The following ZSCAN1 variants were observed in gnomAD, a reference collection of about 807,000 sequenced individuals.
ZSCAN1 encodes the protein zinc finger and SCAN domain containing 1.
ZSCAN1 carries 23 observed loss-of-function variants against 23.8 expected under a neutral mutation model. That is an observed-to-expected ratio of 0.97 (90% CI 0.70 to 1.37). ZSCAN1 has a LOEUF of 1.37. Among genes scored for constraint, ZSCAN1 ranks in the 40% most tolerant of loss-of-function variants. The pLI is 0.00. For missense variants in ZSCAN1, 575 were observed against 554.0 expected, an observed-to-expected ratio of 1.04 and a Z score of -0.38; for synonymous variants, 236 against 232.3, an observed-to-expected ratio of 1.02 and a Z score of -0.15.
In ZSCAN1 at chr19:58,038,044, G is replaced by A; in HGVS notation, c.208G>A (p.Glu70Lys). ...WTLCRQWLRPEARSKEQMLEL... is the reference protein window; with the variant it reads ...WTLCRQWLRPKARSKEQMLEL... ...GCTGTGCCGCCAGTGGCTGAGGCCC[G>A]AGGCGCGCTCCAAGGAGCAGATGCT... is the stretch of plus-strand genomic sequence containing the variant. The change falls in exon 3 of 6, where the codon GAG becomes AAG. Residue 70 changes from glutamate to lysine, a missense_variant. Coordinates refer to ENST00000282326, the MANE Select transcript of ZSCAN1 (RefSeq NM_182572.4). 6.2e-6 allele frequency: 10 copies of A among 1,611,826 alleles called. No homozygotes were observed. Among genetic ancestry groups the A allele is most frequent in the South Asian group, 1.1e-5 (1 of 91,030 alleles).
rs1599906671 is a variant in ZSCAN1 at position 58,047,855 on chromosome 19, C to A, written c.466-4635C>A. Among the ~76,000 whole-genome samples the A allele has an allele frequency of 6.6e-6, 1 of 152,316 alleles. No homozygotes were observed. The highest frequency in any genetic ancestry group is 1.9e-4 in the East Asian group (1 of 5,178). On this transcript the variant is annotated intron_variant, in intron 4 of 5. Transcript: ENST00000282326. The surrounding 1 kb of genome is among the most constrained non-coding windows in gnomAD (Gnocchi z 4.9). ...CTGTGCCCTCTGGGTGGGGTGGCCT[C>A]CCTGCACTCGGCAGCATGGTCGGGC...
intron 2 of ZSCAN1, among the ~76,000 whole-genome samples, chr19:58,036,366 G>C (rs915661810): frequency 6.6e-6 from 1 of 152,100 alleles, no homozygotes; most frequent in African/African-American, 2.4e-5. Flanking sequence ...TCTCACCAGC[G>C]GATCAGTCCA....
chr19:58,035,719 G>A (rs10406206), intron 1 of ZSCAN1, among the ~76,000 whole-genome samples: 117 of 152,340 alleles, frequency 7.7e-4, no homozygotes, highest in African/African-American at 2.5e-3. Context: ...GGCCGGGTAC[G>A]CTGACTCGAA....
At position 58,053,891 on chromosome 19, in the gene ZSCAN1, G is replaced by A. The variant is rs768164739; in HGVS notation, c.1067G>A (p.Gly356Asp). The change falls in exon 6 of 6, where the codon GGC becomes GAC. Residue 356 changes from glycine to aspartate, a missense_variant. Physicochemically the swap from Gly to Asp is moderately conservative, Grantham distance 94. Transcript: ENST00000282326. The surrounding 1 kb of genome is among the most constrained non-coding windows in gnomAD (Gnocchi z 5.8). Reference protein sequence around the residue: ...PPRKKAPRSKGPRESVPPRDG... With the variant: ...PPRKKAPRSKDPRESVPPRDG... ...AGGAAGAAAGCCCCCCGGAGCAAGG[G>A]CCCCCGGGAGTCCGTCCCACCCAGG... 21 of 1,613,274 alleles carry A rather than the reference G, an allele frequency of 1.3e-5. No homozygotes were observed. The highest frequency in any genetic ancestry group is 1.7e-5 in the Non-Finnish European group (20 of 1,179,392).
Position 58,045,317 on chromosome 19 carries a change from C to T in ZSCAN1, c.465+4773C>T. 1.3e-6 allele frequency: 1 copy of T among 793,420 alleles called. No individual in the cohort carries two copies. The highest frequency in any genetic ancestry group is 2.3e-6 in the Non-Finnish European group (1 of 430,316). The allele number at this position is 793,420 out of a possible 1,614,324, so 49.1% of individuals were successfully genotyped here. Reference sequence around the variant, plus strand: ...TGCCATCCACATCCGAGACTCAGTCCATCAAGGAGAAGAGGCTGAAGGAGC... The same window carrying T: ...TGCCATCCACATCCGAGACTCAGTCTATCAAGGAGAAGAGGCTGAAGGAGC... On this transcript the variant is annotated intron_variant, in intron 4 of 5. Coordinates refer to ENST00000282326, the MANE Select transcript of ZSCAN1 (RefSeq NM_182572.4). This position sits in a 1 kb window ranked among gnomAD's most constrained non-coding sequence, Gnocchi z 4.3.
In ZSCAN1 at chr19:58,053,315, G is replaced by A. The variant is rs1478240990; in HGVS notation, c.605-114G>A. The A allele has an allele frequency of 4.4e-6, 6 of 1,364,784 alleles. No individual in the cohort carries two copies. The highest frequency in any genetic ancestry group is 2.2e-5 in the Admixed American group (1 of 45,826). The allele number at this position is 1,364,784 out of a possible 1,614,324, so 84.5% of individuals were successfully genotyped here. A position where few individuals can be genotyped will look rare whatever the true frequency, so the allele number is the denominator to read the frequency against. On this transcript the variant is annotated intron_variant, in intron 5 of 5. Transcript: ENST00000282326. The surrounding 1 kb of genome is among the most constrained non-coding windows in gnomAD (Gnocchi z 5.8). ...GGACACAGGGGCCGTATTGAGCAGA[G>A]GAAGGGCCTGGACTTGGCTCAGTCA...
At chr19:58,036,341 C>T (rs1250018368) in intron 2 of ZSCAN1, among the ~76,000 whole-genome samples, 2 of 152,104 alleles carry the variant, frequency 1.3e-5, no homozygotes, top group Admixed American at 1.3e-4. Context: ...CCAGAAAGGT[C>T]GTGCCAATTT....
chr19:58,052,726 G>A (rs116027994), intron 5 of ZSCAN1, 98 bp downstream of exon 5: 62 of 1,467,264 alleles, frequency 4.2e-5, no homozygotes, highest in Middle Eastern at 3.7e-4. Flanking sequence ...TGGGTGCTTC[G>A]GTGGTGAACT....
At chr19:58,044,555 CAGG>C in intron 4 of ZSCAN1, 1 of 586,552 alleles carries the variant, frequency 1.7e-6, no homozygotes, top group Non-Finnish European at 2.9e-6. Context: ...GGAGCCAGCG[CAGG>C]AGGCCCGAGC....
intron 4 of ZSCAN1, among the ~76,000 whole-genome samples, chr19:58,043,596 G>A (rs558207926): frequency 2.6e-5 from 4 of 152,118 alleles, no homozygotes; most frequent in Admixed American, 1.3e-4. Flanking sequence ...TACTAAATTG[G>A]CAACTATATT....
chr19:58,034,560 A>T lies in ZSCAN1; in HGVS notation c.-152+399A>T, dbSNP rs2123413511. Among the ~76,000 whole-genome samples the T allele has an allele frequency of 2.0e-5, 3 of 151,402 alleles. 1 individual carries two copies. The Middle Eastern group carries it at 0.01, about 519-fold the overall frequency. ...GTTCTCCCTTCCACACCTGATCAGC[A>T]TCCCGGGACCTATCTCCCTCCTGAA... On this transcript the variant is annotated intron_variant, in intron 1 of 5. Transcript: ENST00000282326.
rs113590476 is a variant in ZSCAN1, at chr19:58,053,148, G to A, written c.605-281G>A. Among the ~76,000 whole-genome samples the A allele has an allele frequency of 5.0e-3, 760 of 152,122 alleles. 9 individuals are homozygous for A. Among genetic ancestry groups the A allele is most frequent in the African/African-American group, 0.016 (679 of 41,496 alleles). On this transcript the variant is annotated intron_variant, in intron 5 of 5. Transcript: ENST00000282326. The surrounding 1 kb of genome is among the most constrained non-coding windows in gnomAD (Gnocchi z 5.8). The stretch of plus-strand genomic sequence containing the variant: ...CTAATTTTTGTATTTTAGTAGAGAC[G>A]GGGTTTCACCATGTTGGTCAGGCTG...
chr19:58,042,862 C>G (rs1036041065), intron 4 of ZSCAN1, among the ~76,000 whole-genome samples: 20 of 152,234 alleles, frequency 1.3e-4, no homozygotes, highest in African/African-American at 4.8e-4. Flanking sequence ...CCACCAGGGC[C>G]GCTGTGGCTG....
intron 4 of ZSCAN1, chr19:58,046,488 C>T (rs2073827025): frequency 1.1e-6 from 1 of 875,250 alleles, no homozygotes; most frequent in African/African-American, 1.6e-5. Context: ...AGGGCGTGCC[C>T]ATGGGGGAGA....
chr19:58,054,212 T>G lies in ZSCAN1; in HGVS notation c.*161T>G, dbSNP rs1248109905. 2 of 1,004,716 alleles carry G rather than the reference T, an allele frequency of 2.0e-6. No homozygotes were observed. The highest frequency in any genetic ancestry group is 1.4e-6 in the Non-Finnish European group (1 of 721,628). The allele number at this position is 1,004,716 out of a possible 1,614,324, so 62.2% of individuals were successfully genotyped here. ...TTCTCGGAAGACCCTGGACACCTGC[T>G]CCGAAGCCAAGCACGGGATGGGGCT... On this transcript the variant is annotated 3_prime_UTR_variant, in exon 6 of 6. Transcript: ENST00000282326. This position sits in a 1 kb window ranked among gnomAD's most constrained non-coding sequence, Gnocchi z 4.2.
intron 3 of ZSCAN1, among the ~76,000 whole-genome samples, chr19:58,039,397 G>A (rs950914314): frequency 2.6e-5 from 4 of 152,130 alleles, no homozygotes; most frequent in Non-Finnish European, 4.4e-5. Flanking sequence ...CTTCCATAGC[G>A]GTGGTCTGCT....
chr19:58,036,314 A>C (rs959475937), intron 2 of ZSCAN1, among the ~76,000 whole-genome samples: 1 of 152,086 alleles, frequency 6.6e-6, no homozygotes, highest in African/African-American at 2.4e-5. Flanking sequence ...TTGATATATA[A>C]ATGGCCACAG....
chr19:58,050,351 G>A lies in ZSCAN1; in HGVS notation c.466-2139G>A, dbSNP rs538669007. 9.9e-5 allele frequency among the ~76,000 whole-genome samples: 15 copies of A among 151,770 alleles called. No homozygotes were observed. In the South Asian group the frequency reaches 1.9e-3, roughly 19 times the overall value. ...CTCGGGAGGCTGAGGCATAAGAATC[G>A]CTTGAACCCAGCGGGTGGAGGTTGC... On this transcript the variant is annotated intron_variant, in intron 4 of 5. Transcript: ENST00000282326.
Position 58,054,128 on chromosome 19 carries a change from T to TCCCCCAGC in ZSCAN1, c.*81_*88dup. The stretch of plus-strand genomic sequence containing the variant: ...GATGGGCCCCAGAAGATGGGGGACA[T>TCCCCCAGC]CCCCCAGCCCCACCAACCCCTGGCC... On this transcript the variant is annotated 3_prime_UTR_variant, in exon 6 of 6. Coordinates refer to ENST00000282326, the MANE Select transcript of ZSCAN1 (RefSeq NM_182572.4). This position sits in a 1 kb window ranked among gnomAD's most constrained non-coding sequence, Gnocchi z 4.2. 1 of 1,426,728 alleles carries TCCCCCAGC rather than the reference T, an allele frequency of 7.0e-7. No individual in the cohort carries two copies. Among genetic ancestry groups the TCCCCCAGC allele is most frequent in the East Asian group, 2.5e-5 (1 of 39,830 alleles). 88.4% of individuals were successfully genotyped at this position (1,426,728 alleles called of 1,614,324 possible). A position where few individuals can be genotyped will look rare whatever the true frequency, so the allele number is the denominator to read the frequency against.
Sources: allele counts gnomAD v4.1 joint callset (sites outside exome capture counted in the v4.1 genomes callset), GRCh38; gene constraint gnomAD v4.1.1; non-coding constraint Gnocchi (gnomAD v3.1); transcripts MANE v1.5; gene names NCBI Gene and HGNC (gene_info 2026-07-23, HGNC 2026-07-21).